The following EPB41L4A variants were observed in gnomAD, a reference collection of about 807,000 sequenced individuals.
EPB41L4A encodes the protein erythrocyte membrane protein band 4.1 like 4A.
In EPB41L4A, 100 loss-of-function variants were observed where a neutral mutation model predicts 108.6. The ratio of observed to expected loss-of-function variants is 0.92; its 90% confidence interval spans 0.78 to 1.09. The LOEUF (loss-of-function observed/expected upper bound fraction) is 1.09, where lower values mean the gene tolerates loss of function less well. Ranked by LOEUF, EPB41L4A falls within the 50% of genes least tolerant of loss-of-function variation. EPB41L4A has a pLI of 0.00. For synonymous variants in EPB41L4A, 319 were observed against 289.0 expected, an observed-to-expected ratio of 1.10 and a Z score of -1.05; for missense variants, 1,030 against 842.7, an observed-to-expected ratio of 1.22 and a Z score of -2.75.
chr5:112,363,890 T>G (rs989948387), intron 1 of EPB41L4A, among the ~76,000 whole-genome samples: 4 of 152,218 alleles, frequency 2.6e-5, no homozygotes, highest in African/African-American at 9.6e-5. Context: ...CATATTTTCA[T>G]GTAAGTTTAT....
At chr5:112,347,468 G>A (rs1052335028) in intron 1 of EPB41L4A, among the ~76,000 whole-genome samples, 16 of 152,074 alleles carry the variant, frequency 1.1e-4, no homozygotes, top group African/African-American at 3.9e-4. Context: ...TTAATTACAG[G>A]TTTTTTCACT....
At chr5:112,228,672 A>G in intron 12 of EPB41L4A, 2 of 982,074 alleles carry the variant, frequency 2.0e-6, no homozygotes, top group Non-Finnish European at 2.4e-6. Flanking sequence ...GCCTACTTAC[A>G]GCAGAGACGA....
chr5:112,323,006 A>G (rs757655441), intron 1 of EPB41L4A, among the ~76,000 whole-genome samples: 20 of 127,126 alleles, frequency 1.6e-4, no homozygotes, highest in Non-Finnish European at 2.6e-4. Flanking sequence ...TTCTAAAGCT[A>G]TTTGATTTCT....
intron 1 of EPB41L4A, among the ~76,000 whole-genome samples, chr5:112,316,215 C>G (rs142859608): frequency 2.6e-4 from 40 of 152,294 alleles, no homozygotes; most frequent in Non-Finnish European, 4.7e-4. Context: ...ACCAGAAAGG[C>G]AGGTTCCTGC....
intron 12 of EPB41L4A, among the ~76,000 whole-genome samples, chr5:112,227,447 T>C (rs1748546412): frequency 1.3e-5 from 2 of 152,338 alleles, no homozygotes; most frequent in Non-Finnish European, 2.9e-5. Context: ...CTACAAGTTC[T>C]GACAAGATAC....
intron 2 of EPB41L4A, among the ~76,000 whole-genome samples, chr5:112,299,355 T>C (rs976095497): frequency 2.0e-5 from 3 of 152,208 alleles, no homozygotes; most frequent in East Asian, 1.9e-4. Flanking sequence ...ACTATTATCA[T>C]TCAGTTTGAA....
In EPB41L4A at chr5:112,168,828, G is replaced by C. The variant is rs143781799; in HGVS notation, c.1851-8C>G. On this transcript the variant is annotated splice_region_variant and splice_polypyrimidine_tract_variant and intron_variant, in intron 21 of 22. Coordinates refer to ENST00000261486, the MANE Select transcript of EPB41L4A (RefSeq NM_022140.5). ...ACAAGATCTGTTTTTGAACTGCAGA[G>C]AATGAGTTTTAGAATTAGTGACTGG... 48 of 1,611,992 alleles carry C rather than the reference G, an allele frequency of 3.0e-5. No individual in the cohort carries two copies. Among genetic ancestry groups the C allele is most frequent in the Middle Eastern group, 1.7e-4 (1 of 6,058 alleles).
intron 1 of EPB41L4A, among the ~76,000 whole-genome samples, chr5:112,327,572 C>T (rs1299637527): frequency 6.6e-6 from 1 of 152,024 alleles, no homozygotes; most frequent in African/African-American, 2.4e-5. Flanking sequence ...AAAAATTAGC[C>T]AGGTATGGTG....
intron 1 of EPB41L4A, among the ~76,000 whole-genome samples, chr5:112,401,343 C>T (rs1580837630): frequency 6.6e-6 from 1 of 152,232 alleles, no homozygotes; most frequent in South Asian, 2.1e-4. Context: ...ATGCATTTAA[C>T]GTATTCACTA....
At chr5:112,244,645 C>T (rs1324587791) in intron 9 of EPB41L4A, among the ~76,000 whole-genome samples, 1 of 152,138 alleles carries the variant, frequency 6.6e-6, no homozygotes, top group Non-Finnish European at 1.5e-5. Flanking sequence ...GTCACCCTAC[C>T]GTAATCTTCT....
At chr5:112,289,923 G>C (rs1303386572) in intron 2 of EPB41L4A, among the ~76,000 whole-genome samples, 3 of 152,196 alleles carry the variant, frequency 2.0e-5, no homozygotes, top group African/African-American at 7.2e-5. Flanking sequence ...AATTTATCCA[G>C]ACCTCTTTTA....
At chr5:112,360,646 G>A (rs1022096966) in intron 1 of EPB41L4A, among the ~76,000 whole-genome samples, 1 of 152,208 alleles carries the variant, frequency 6.6e-6, no homozygotes, top group Non-Finnish European at 1.5e-5. Context: ...CCAGCCGCCT[G>A]CCTTGGCCTC....
At chr5:112,418,893 C>T (rs1463094003) in intron 1 of EPB41L4A, 48 bp downstream of exon 1, 1 of 1,487,414 alleles carries the variant, frequency 6.7e-7, no homozygotes, top group Non-Finnish European at 9.4e-7. Context: ...TGGACCCCCG[C>T]ACCCGCCCTG....
chr5:112,293,873 A>T (rs1363846479), intron 2 of EPB41L4A, among the ~76,000 whole-genome samples: 2 of 152,246 alleles, frequency 1.3e-5, no homozygotes, highest in African/African-American at 4.8e-5. Context: ...TTCCAGAAGA[A>T]CATCATCTCT....
intron 1 of EPB41L4A, among the ~76,000 whole-genome samples, chr5:112,390,234 G>A (rs1760845194): frequency 1.3e-5 from 2 of 152,206 alleles, no homozygotes; most frequent in South Asian, 2.1e-4. Context: ...AGCCAAAGCA[G>A]GGCGGGGCAT....
intron 4 of EPB41L4A, among the ~76,000 whole-genome samples, chr5:112,270,134 C>G (rs1357376908): frequency 6.6e-6 from 1 of 152,168 alleles, no homozygotes; most frequent in East Asian, 1.9e-4. Context: ...GGCAGAGAGA[C>G]AGAAGCTCAA....
At chr5:112,315,848 C>T (rs10463433) in intron 1 of EPB41L4A, among the ~76,000 whole-genome samples, 25,357 of 151,908 alleles carry the variant, frequency 0.17, 2,567 homozygotes, top group African/African-American at 0.28. Flanking sequence ...TGATATGAGA[C>T]AGTTAAGAAA....
intron 15 of EPB41L4A, among the ~76,000 whole-genome samples, chr5:112,201,438 A>C (rs969785920): frequency 6.6e-6 from 1 of 152,192 alleles, no homozygotes; most frequent in African/African-American, 2.4e-5. Flanking sequence ...TATGCTGCAA[A>C]CTATTTCAAG....
At chr5:112,221,275 G>A (rs954021520) in intron 12 of EPB41L4A, among the ~76,000 whole-genome samples, 6 of 152,180 alleles carry the variant, frequency 3.9e-5, no homozygotes, top group African/African-American at 1.4e-4. Flanking sequence ...CGGACACTTA[G>A]AACTCTGTCA....
Sources: gnomAD v4.1 joint callset for allele counts (sites outside exome capture counted in the v4.1 genomes callset) on GRCh38, gnomAD v4.1.1 for gene constraint, MANE v1.5 for transcripts, NCBI Gene and HGNC (gene_info 2026-07-23, HGNC 2026-07-21) for gene names.